The following NRXN1 variants were observed in gnomAD, a reference collection of about 807,000 sequenced individuals.
NRXN1 encodes neurexin-1.
In NRXN1, 39 loss-of-function variants were observed where a neutral mutation model predicts 150.9. The ratio of observed to expected loss-of-function variants is 0.26; its 90% CI spans 0.20 to 0.34. NRXN1 has a LOEUF of 0.34. Among genes scored for constraint, NRXN1 ranks in the 10% least tolerant of loss-of-function variants. The pLI is 1.00. For synonymous variants in NRXN1, 924 were observed against 757.0 expected (o/e 1.22, Z -3.62); for missense variants, 1,815 against 1,949.9 (o/e 0.93, Z 1.30).
chr2:49,936,153 T>A (rs1670991311), intron 22 of NRXN1, among the ~76,000 whole-genome samples: 1 of 152,224 alleles, frequency 6.6e-6, no homozygotes, highest in South Asian at 2.1e-4. Context: ...CAGCCATCTA[T>A]TTTTTACAGA....
intron 17 of NRXN1, among the ~76,000 whole-genome samples, chr2:50,401,122 G>A (rs546878817): frequency 2.0e-5 from 3 of 152,100 alleles, no homozygotes; most frequent in Non-Finnish European, 4.4e-5. Flanking sequence ...TTTTGGCCCT[G>A]TTATCAAAAT....
chr2:50,786,732 T>C (rs2105561717), intron 5 of NRXN1, among the ~76,000 whole-genome samples: 1 of 152,226 alleles, frequency 6.6e-6, no homozygotes, highest in Non-Finnish European at 1.5e-5. Context: ...ATTAATGCAT[T>C]CCACCTGTGC....
At chr2:50,344,425 A>G (rs760607681) in intron 17 of NRXN1, among the ~76,000 whole-genome samples, 6 of 152,188 alleles carry the variant, frequency 3.9e-5, no homozygotes, top group African/African-American at 7.2e-5. Flanking sequence ...AGCCTCTTCC[A>G]AAAGAGTAAG....
At chr2:50,574,140 C>A (rs185661148) in intron 8 of NRXN1, among the ~76,000 whole-genome samples, 1 of 152,240 alleles carries the variant, frequency 6.6e-6, no homozygotes, top group African/African-American at 2.4e-5. Flanking sequence ...TCCTCCTTTA[C>A]TTCTTTTCTA....
intron 17 of NRXN1, among the ~76,000 whole-genome samples, chr2:50,257,458 A>C (rs1242209123): frequency 6.6e-6 from 1 of 152,102 alleles, no homozygotes. Context: ...ACTTTTAAAT[A>C]CTTTCTCCAC....
intron 18 of NRXN1, among the ~76,000 whole-genome samples, chr2:50,196,681 T>C (rs925095315): frequency 2.6e-5 from 4 of 152,194 alleles, no homozygotes; most frequent in African/African-American, 7.2e-5. Context: ...TTGTTTAATA[T>C]TGCCATTTAT....
intron 21 of NRXN1, among the ~76,000 whole-genome samples, chr2:50,004,044 G>A (rs1684363623): frequency 6.6e-6 from 1 of 152,114 alleles, no homozygotes; most frequent in African/African-American, 2.4e-5. Flanking sequence ...AAAAGGCATG[G>A]TGTAGTTGGT....
chr2:49,998,271 T>G (rs1253922189), intron 21 of NRXN1, among the ~76,000 whole-genome samples: 1 of 152,178 alleles, frequency 6.6e-6, no homozygotes, highest in Non-Finnish European at 1.5e-5. Flanking sequence ...TGATGCCTCC[T>G]AACAGACTAC....
intron 2 of NRXN1, among the ~76,000 whole-genome samples, chr2:50,946,988 G>A (rs1184851971): frequency 6.6e-6 from 1 of 152,094 alleles, no homozygotes; most frequent in Non-Finnish European, 1.5e-5. Flanking sequence ...GGTTTCTTCT[G>A]GTGGCTTTTT....
At chr2:50,220,412 T>G (rs746130241) in intron 18 of NRXN1, among the ~76,000 whole-genome samples, 3 of 151,932 alleles carry the variant, frequency 2.0e-5, no homozygotes, top group Non-Finnish European at 2.9e-5. Context: ...GAAGAAATTC[T>G]GAAAAGATGC....
At chr2:50,360,665 G>C (rs564974141) in intron 17 of NRXN1, among the ~76,000 whole-genome samples, 17 of 152,238 alleles carry the variant, frequency 1.1e-4, no homozygotes, top group African/African-American at 3.1e-4. Context: ...ATAATAATGG[G>C]AGACTTTAAC....
At chr2:50,436,594 G>A (rs543805665) in intron 17 of NRXN1, among the ~76,000 whole-genome samples, 6 of 152,246 alleles carry the variant, frequency 3.9e-5, no homozygotes, top group African/African-American at 1.4e-4. Context: ...ATCCCAGATA[G>A]GTTTCAGGGC....
chr2:50,147,781 C>T (rs1018893881), intron 18 of NRXN1, among the ~76,000 whole-genome samples: 3 of 151,774 alleles, frequency 2.0e-5, no homozygotes, highest in Admixed American at 1.3e-4. Context: ...CCACAGGCTT[C>T]TTCTTTCAGA....
intron 18 of NRXN1, among the ~76,000 whole-genome samples, chr2:50,128,984 A>G (rs11890103): frequency 0.19 from 12,718 of 66,190 alleles, 701 homozygotes; most frequent in Middle Eastern, 0.29. Flanking sequence ...ACTCCATCTC[A>G]ATAAATAAAT....
At chr2:51,002,859 G>A (rs907243601) in intron 2 of NRXN1, among the ~76,000 whole-genome samples, 16 of 151,906 alleles carry the variant, frequency 1.1e-4, no homozygotes, top group African/African-American at 3.9e-4. Context: ...ATAAGAAGTG[G>A]CTGCAGTAGA....
At chr2:50,405,328 G>A (rs1192214873) in intron 17 of NRXN1, among the ~76,000 whole-genome samples, 1 of 151,998 alleles carries the variant, frequency 6.6e-6, no homozygotes, top group Admixed American at 6.6e-5. Context: ...TGGAATTAAG[G>A]GCAAAATATC....
chr2:50,602,696 G>A (rs1042181447), intron 8 of NRXN1, among the ~76,000 whole-genome samples: 4 of 151,492 alleles, frequency 2.6e-5, no homozygotes, highest in South Asian at 4.2e-4. Context: ...ATTCTTCATA[G>A]AATAAAAGGG....
intron 5 of NRXN1, among the ~76,000 whole-genome samples, chr2:50,901,603 G>A (rs140246457): frequency 8.5e-5 from 13 of 152,234 alleles, no homozygotes; most frequent in East Asian, 7.8e-4. Context: ...CCCACCTGGC[G>A]TTCTGGTACA....
At chr2:50,013,372 C>T (rs948525913) in intron 21 of NRXN1, among the ~76,000 whole-genome samples, 2 of 148,094 alleles carry the variant, frequency 1.4e-5, no homozygotes, top group Non-Finnish European at 3.0e-5. Context: ...TTACTGGCTT[C>T]GTAAACTCCC....
Sources: gnomAD v4.1 joint callset for allele counts (sites outside exome capture counted in the v4.1 genomes callset) on GRCh38, gnomAD v4.1.1 for gene constraint, MANE v1.5 for transcripts, NCBI Gene and HGNC (gene_info 2026-07-23, HGNC 2026-07-21) for gene names.